Variants in PCDH9 observed in about 807,000 individuals in gnomAD.
PCDH9 encodes the protein protocadherin 9.
A neutral mutation model predicts 70.6 loss-of-function variants in PCDH9; 24 were observed. That is an observed-to-expected ratio of 0.34 (90% CI 0.25 to 0.48). The LOEUF (loss-of-function observed/expected upper bound fraction) is 0.48. Among genes scored for constraint, PCDH9 ranks in the 20% least tolerant of loss-of-function variants. The pLI is 0.99. For missense variants in PCDH9, 1,281 were observed against 1,503.6 expected (o/e 0.85, Z 2.45); for synonymous variants, 562 against 558.5 (o/e 1.01, Z -0.09).
chr13:66,775,405 G>A (rs1030893698), intron 3 of PCDH9, among the ~76,000 whole-genome samples: 19 of 152,158 alleles, frequency 1.2e-4, no homozygotes, highest in Non-Finnish European at 5.9e-5. Context: ...AGGACAGAGT[G>A]ACCCTGGATT....
At chr13:66,529,159 A>C (rs1008151251) in intron 4 of PCDH9, among the ~76,000 whole-genome samples, 11 of 152,110 alleles carry the variant, frequency 7.2e-5, no homozygotes, top group African/African-American at 2.4e-4. Context: ...GGCTAATTGC[A>C]CATAAAGGCC....
intron 3 of PCDH9, among the ~76,000 whole-genome samples, chr13:66,718,101 T>C (rs2078895019): frequency 6.6e-6 from 1 of 152,214 alleles, no homozygotes; most frequent in African/African-American, 2.4e-5. Flanking sequence ...CTCTCACTAC[T>C]GTGCTTTTTA....
At chr13:66,792,758 T>C (rs935618400) in intron 3 of PCDH9, among the ~76,000 whole-genome samples, 2 of 152,156 alleles carry the variant, frequency 1.3e-5, no homozygotes, top group African/African-American at 4.8e-5. Context: ...TGAAAAAATC[T>C]GATCATTAAA....
chr13:66,617,140 G>A (rs984058156), intron 4 of PCDH9, among the ~76,000 whole-genome samples: 9 of 152,210 alleles, frequency 5.9e-5, no homozygotes, highest in Non-Finnish European at 8.8e-5. Context: ...ATAGGTGAGA[G>A]CAGATAATTC....
chr13:66,872,619 A>G (rs1227975011), intron 3 of PCDH9, among the ~76,000 whole-genome samples: 2 of 152,156 alleles, frequency 1.3e-5, no homozygotes, highest in Admixed American at 6.6e-5. Flanking sequence ...CTCTTAAAAC[A>G]TTATTTCATA....
intron 2 of PCDH9, among the ~76,000 whole-genome samples, chr13:67,172,320 C>T (rs1419870350): frequency 2.6e-5 from 4 of 152,180 alleles, no homozygotes; most frequent in African/African-American, 9.7e-5. Flanking sequence ...CTCCAGGTAG[C>T]ACATACTAGT....
intron 3 of PCDH9, among the ~76,000 whole-genome samples, chr13:66,707,785 A>G (rs1405446809): frequency 6.6e-6 from 1 of 152,210 alleles, no homozygotes; most frequent in Non-Finnish European, 1.5e-5. Flanking sequence ...CTTCCTGACT[A>G]TATCACAATG....
At chr13:66,885,238 T>C (rs141489231) in intron 3 of PCDH9, among the ~76,000 whole-genome samples, 52 of 152,302 alleles carry the variant, frequency 3.4e-4, no homozygotes, top group South Asian at 1.7e-3. Context: ...CTTCTACTCT[T>C]CTTCCAACTT....
At chr13:67,223,064 T>C (rs2089768812) in intron 2 of PCDH9, 1 of 152,166 alleles carries the variant, frequency 6.6e-6, no homozygotes, top group Non-Finnish European at 1.5e-5. Context: ...AATAGCTCTT[T>C]ATCATAAGAG....
At chr13:66,638,760 G>C (rs1051856408) in intron 3 of PCDH9, among the ~76,000 whole-genome samples, 18 of 152,182 alleles carry the variant, frequency 1.2e-4, no homozygotes, top group South Asian at 4.1e-4. Flanking sequence ...GGACAGAGTA[G>C]AAACGAAATA....
At chr13:66,423,477 A>C (rs1957608520) in intron 4 of PCDH9, among the ~76,000 whole-genome samples, 1 of 152,160 alleles carries the variant, frequency 6.6e-6, no homozygotes, top group African/African-American at 2.4e-5. Context: ...AAGCTTATCC[A>C]CCACAATCAA....
At chr13:67,212,802 T>C (rs1203991326) in intron 2 of PCDH9, 1 of 152,066 alleles carries the variant, frequency 6.6e-6, no homozygotes, top group African/African-American at 2.4e-5. Flanking sequence ...CCCATTCACA[T>C]AGGGAAAGAT....
chr13:67,153,675 A>C (rs1212679492), intron 2 of PCDH9, among the ~76,000 whole-genome samples: 1 of 152,218 alleles, frequency 6.6e-6, no homozygotes, highest in Non-Finnish European at 1.5e-5. Flanking sequence ...TTATATACTT[A>C]AGCAAGTTTC....
intron 2 of PCDH9, among the ~76,000 whole-genome samples, chr13:67,045,492 A>T (rs999083258): frequency 2.6e-5 from 4 of 151,706 alleles, no homozygotes; most frequent in African/African-American, 9.7e-5. Context: ...TCTCATTTCC[A>T]CTTTAGATCA....
intron 2 of PCDH9, among the ~76,000 whole-genome samples, chr13:67,080,190 A>G (rs2085955978): frequency 6.6e-6 from 1 of 152,196 alleles, no homozygotes; most frequent in African/African-American, 2.4e-5. Flanking sequence ...TTTTGGCAGA[A>G]TTTGGATTTT....
intron 3 of PCDH9, among the ~76,000 whole-genome samples, chr13:66,716,822 C>T (rs2078871245): frequency 6.6e-6 from 1 of 152,162 alleles, no homozygotes; most frequent in Non-Finnish European, 1.5e-5. Context: ...AAGCTTCTCA[C>T]TTGAACAGGC....
chr13:66,730,637 C>G (rs1267078294), intron 3 of PCDH9, among the ~76,000 whole-genome samples: 2 of 151,590 alleles, frequency 1.3e-5, no homozygotes, highest in Non-Finnish European at 2.9e-5. Flanking sequence ...TCCTGCACCT[C>G]ACATAATGAC....
chr13:66,617,808 G>A (rs1438952922), intron 4 of PCDH9, among the ~76,000 whole-genome samples: 1 of 152,158 alleles, frequency 6.6e-6, no homozygotes, highest in Non-Finnish European at 1.5e-5. Context: ...TCTGATGATG[G>A]CCCCATCTGC....
intron 2 of PCDH9, among the ~76,000 whole-genome samples, chr13:67,097,289 T>C (rs1209785298): frequency 6.6e-6 from 1 of 151,940 alleles, no homozygotes; most frequent in Non-Finnish European, 1.5e-5. Context: ...ATCGAAATAA[T>C]TTAAAAATAT....
Sources: allele counts gnomAD v4.1 joint callset (sites outside exome capture counted in the v4.1 genomes callset), GRCh38; gene constraint gnomAD v4.1.1; transcripts MANE v1.5; gene names NCBI Gene and HGNC (gene_info 2026-07-23, HGNC 2026-07-21).